The following NEUROD4 variants were observed in gnomAD, a reference collection of about 807,000 sequenced individuals.
The protein encoded by NEUROD4 is neurogenic differentiation factor 4.
NEUROD4 carries 16 observed loss-of-function variants against 19.8 expected under a neutral mutation model. The ratio of observed to expected loss-of-function variants is 0.81; its 90% CI spans 0.55 to 1.23. The LOEUF is 1.23. Among genes scored for constraint, NEUROD4 ranks in the 50% most tolerant of loss-of-function variants. NEUROD4 has a pLI of 0.00. For missense variants in NEUROD4, 439 were observed against 398.6 expected, an observed-to-expected ratio of 1.10 and a Z score of -0.86; for synonymous variants, 153 against 147.9, an observed-to-expected ratio of 1.03 and a Z score of -0.25.
chr12:55,029,537 A>G lies in NEUROD4; in HGVS notation c.*2102A>G, dbSNP rs1333495756. On this transcript the variant is annotated 3_prime_UTR_variant, in exon 2 of 2. Transcript: ENST00000242994. ...CTCTTCCTTTCACGAAAATTCCTTT[A>G]GCCCCATAGATGTGCTTGCAAACCC... The G allele has an allele frequency of 6.0e-6, 1 of 167,030 alleles. No homozygotes were observed. The highest frequency in any genetic ancestry group is 1.9e-4 in the East Asian group (1 of 5,208). The allele number at this position is 167,030 out of a possible 1,614,324, so 10.3% of individuals were successfully genotyped here.
chr12:55,023,567 T>C (rs1344634893), intron 1 of NEUROD4, among the ~76,000 whole-genome samples: 2 of 152,166 alleles, frequency 1.3e-5, no homozygotes, highest in East Asian at 3.8e-4. Context: ...AACCCAGGAA[T>C]TAGAAGAATT....
Position 55,027,178 on chromosome 12 carries a change from C to A in NEUROD4, c.739C>A (p.Pro247Thr). 6.2e-7 allele frequency: 1 copy of A among 1,614,062 alleles called. No individual in the cohort carries two copies. The highest frequency in any genetic ancestry group is 1.7e-4 in the Middle Eastern group (1 of 6,060). ...FGSHLPDCST[P>T]PYEGPLTPPL... ...GAGCCATCTGCCTGACTGCAGTACA[C>A]CCCCTTATGAGGGCCCACTCACTCC... is the stretch of plus-strand genomic sequence containing the variant. Residue 247 changes from proline (P) to threonine (T), a missense_variant, in exon 2 of 2, where the codon CCC becomes ACC. Pro to Thr is a conservative substitution (Grantham distance 38). Transcript: ENST00000242994.
At position 55,027,469 on chromosome 12, in the gene NEUROD4, G is replaced by A. The variant is rs759298063; in HGVS notation, c.*34G>A. The A allele has an allele frequency of 6.5e-7, 1 of 1,543,640 alleles. No homozygotes were observed. The highest frequency in any genetic ancestry group is 2.3e-5 in the East Asian group (1 of 44,306). ...AGTTCAATGTTTCAGAGAATGACGTGGAGACATTTTCCATAATTCAAGTGG... is the reference window on the plus strand; with the variant it reads ...AGTTCAATGTTTCAGAGAATGACGTAGAGACATTTTCCATAATTCAAGTGG... On this transcript the variant is annotated 3_prime_UTR_variant, in exon 2 of 2. Coordinates refer to ENST00000242994, the MANE Select transcript of NEUROD4 (RefSeq NM_021191.3).
chr12:55,020,507 T>C (rs992816169), intron 1 of NEUROD4, among the ~76,000 whole-genome samples, 194 bp downstream of exon 1: 3 of 152,214 alleles, frequency 2.0e-5, no homozygotes, highest in African/African-American at 7.2e-5. Flanking sequence ...ATAATTTTAT[T>C]AAATTTTATA....
Position 55,022,977 on chromosome 12 carries a change from CTT to C in NEUROD4, c.-10+2665_-10+2666del, listed in dbSNP as rs144264880. Among the ~76,000 whole-genome samples the C allele has an allele frequency of 7.9e-3, 1,199 of 152,240 alleles. 8 individuals carry two copies. The highest frequency in any genetic ancestry group is 0.014 in the Non-Finnish European group (949 of 67,958). ...ATGTTTAGGAGAACAATACCTAAAA[CTT>C]AACATGAAATTCATGTTGTATGACA... On this transcript the variant is annotated intron_variant, in intron 1 of 1. Transcript: ENST00000242994.
chr12:55,028,038 T>C lies in NEUROD4; in HGVS notation c.*603T>C, dbSNP rs1323400707. On this transcript the variant is annotated 3_prime_UTR_variant, in exon 2 of 2. Transcript: ENST00000242994. Reference sequence around the variant, plus strand: ...GATTTAATGATAGGACCTCTTTGTATCTATTGAAAAATAGCTTCTGGAAGC... The same window carrying C: ...GATTTAATGATAGGACCTCTTTGTACCTATTGAAAAATAGCTTCTGGAAGC... The C allele has an allele frequency of 1.2e-5, 2 of 167,098 alleles. No homozygotes were observed. The highest frequency in any genetic ancestry group is 2.9e-5 in the Non-Finnish European group (2 of 68,134). The allele number at this position is 167,098 out of a possible 1,614,324, so 10.4% of individuals were successfully genotyped here. A position where few individuals can be genotyped will look rare whatever the true frequency, so the allele number is the denominator to read the frequency against.
rs1243097689 is a variant in NEUROD4, at chr12:55,028,414, A to C, written c.*979A>C. 6.0e-6 allele frequency: 1 copy of C among 167,094 alleles called. No individual in the cohort carries two copies. The highest frequency in any genetic ancestry group is 1.5e-5 in the Non-Finnish European group (1 of 68,114). 10.4% of individuals were successfully genotyped at this position (167,094 alleles called of 1,614,324 possible). On this transcript the variant is annotated 3_prime_UTR_variant, in exon 2 of 2. Coordinates refer to ENST00000242994, the MANE Select transcript of NEUROD4 (RefSeq NM_021191.3). The stretch of plus-strand genomic sequence containing the variant: ...AGCACACAACACAGGTTTATATTAA[A>C]GAGCAATAAAATAGCTATTGGCTAT...
chr12:55,027,047 A>C lies in NEUROD4; in HGVS notation c.608A>C (p.Asn203Thr). Residue 203 changes from asparagine to threonine, a missense_variant, in exon 2 of 2, where the codon AAC becomes ACC. Coordinates refer to ENST00000242994, the MANE Select transcript of NEUROD4 (RefSeq NM_021191.3). ...CDSAISVHNF[N>T]YQSPGLPSPP... ...TCTGCCATCTCTGTCCACAACTTCA[A>C]CTATCAGTCTCCGGGGCTTCCTAGC... 1 of 1,614,120 alleles carries C rather than the reference A, an allele frequency of 6.2e-7. No homozygotes were observed. Among genetic ancestry groups the C allele is most frequent in the Non-Finnish European group, 8.5e-7 (1 of 1,180,016 alleles).
chr12:55,026,645 G>C lies in NEUROD4; in HGVS notation c.206G>C (p.Arg69Thr). 6.2e-7 allele frequency: 1 copy of C among 1,613,966 alleles called. No individual in the cohort carries two copies. Among genetic ancestry groups the C allele is most frequent in the Non-Finnish European group, 8.5e-7 (1 of 1,179,906 alleles). ...EEEEDGEKPKRRGPKKKKMTK... is the reference protein window; with the variant it reads ...EEEEDGEKPKTRGPKKKKMTK... Reference sequence around the variant, plus strand: ...GAAGAAGATGGGGAGAAACCTAAGAGAAGGGGTCCCAAGAAAAAGAAGATG... The same window carrying C: ...GAAGAAGATGGGGAGAAACCTAAGACAAGGGGTCCCAAGAAAAAGAAGATG... The change falls in exon 2 of 2, where the codon AGA becomes ACA. Residue 69 changes from arginine (R) to threonine (T), a missense_variant. Arg to Thr is a moderately conservative substitution (Grantham distance 71). Transcript: ENST00000242994.
rs1351410454 is a variant in NEUROD4, at chr12:55,027,098, A to T, written c.659A>T (p.His220Leu). Residue 220 changes from histidine to leucine, a missense_variant, in exon 2 of 2, where the codon CAT becomes CTT. His to Leu is a moderately conservative substitution (Grantham distance 99). Transcript: ENST00000242994. ...CCTCCTTATGGTCATATGGAAACAC[A>T]TCTCCTTCATCTCAAGCCCCAAGTA... is the stretch of plus-strand genomic sequence containing the variant. ...PSPPYGHMET[H>L]LLHLKPQVFK... is the part of the protein sequence containing the mutation. 6.2e-7 allele frequency: 1 copy of T among 1,614,012 alleles called. No individual in the cohort carries two copies. The highest frequency in any genetic ancestry group is 1.3e-5 in the African/African-American group (1 of 74,914).
chr12:55,025,523 C>T (rs1292501061), intron 1 of NEUROD4, among the ~76,000 whole-genome samples: 1 of 152,202 alleles, frequency 6.6e-6, no homozygotes, highest in Admixed American at 6.5e-5. Context: ...GCAAAGAGAT[C>T]TCACTTTAAC....
In NEUROD4 at chr12:55,026,597, G is replaced by A; in HGVS notation, c.158G>A (p.Ser53Asn). 1 of 1,613,914 alleles carries A rather than the reference G, an allele frequency of 6.2e-7. No individual in the cohort carries two copies. Among genetic ancestry groups the A allele is most frequent in the Non-Finnish European group, 8.5e-7 (1 of 1,179,882 alleles). Residue 53 changes from serine to asparagine, a missense_variant, in exon 2 of 2, where the codon AGT becomes AAT. Coordinates refer to ENST00000242994, the MANE Select transcript of NEUROD4 (RefSeq NM_021191.3). ...AGCAGCTTAACTGAAGAGCATGACAGTATTGAGGAAGAAGAAGAAGAGGAA... is the reference window on the plus strand; with the variant it reads ...AGCAGCTTAACTGAAGAGCATGACAATATTGAGGAAGAAGAAGAAGAGGAA... Reference protein sequence around the residue: ...MLSSLTEEHDSIEEEEEEEED... With the variant: ...MLSSLTEEHDNIEEEEEEEED...
intron 1 of NEUROD4, among the ~76,000 whole-genome samples, chr12:55,025,275 A>T (rs12309119): frequency 0.062 from 9,396 of 152,292 alleles, 736 homozygotes; most frequent in African/African-American, 0.18. Context: ...ACAGTGTGTT[A>T]GTGAATTAAA....
chr12:55,025,648 T>G (rs1952720359), intron 1 of NEUROD4, among the ~76,000 whole-genome samples: 1 of 152,214 alleles, frequency 6.6e-6, no homozygotes. Context: ...GAACACAAAG[T>G]GCTTACTGAA....
rs1365935590 is a variant in NEUROD4, at chr12:55,027,244, G to A, written c.805G>A (p.Gly269Arg). The change falls in exon 2 of 2, where the codon GGG becomes AGG. Residue 269 changes from glycine to arginine, a missense_variant. By Grantham distance (125) the Gly-to-Arg change is moderately radical. Coordinates refer to ENST00000242994, the MANE Select transcript of NEUROD4 (RefSeq NM_021191.3). ...ISGNFSLKQD[G>R]SPDLEKSYSF... ...TGGGAACTTCTCCTTGAAGCAAGAT[G>A]GGTCTCCTGACCTAGAAAAATCCTA... 4 of 1,614,036 alleles carry A rather than the reference G, an allele frequency of 2.5e-6. No individual in the cohort carries two copies. Among genetic ancestry groups the A allele is most frequent in the Non-Finnish European group, 2.5e-6 (3 of 1,180,000 alleles).
At chr12:55,020,477 G>A (rs1014739950) in intron 1 of NEUROD4, among the ~76,000 whole-genome samples, 164 bp downstream of exon 1, 1 of 152,148 alleles carries the variant, frequency 6.6e-6, no homozygotes, top group Admixed American at 6.5e-5. Context: ...AACACTTAGG[G>A]ACAAATATAA....
intron 1 of NEUROD4, among the ~76,000 whole-genome samples, chr12:55,024,408 G>A (rs1382824483): frequency 6.6e-6 from 1 of 152,108 alleles, no homozygotes; most frequent in Admixed American, 6.6e-5. Flanking sequence ...TATAAAATGA[G>A]CATAAAAATT....
At chr12:55,024,700 G>A (rs143455087) in intron 1 of NEUROD4, among the ~76,000 whole-genome samples, 85 of 152,174 alleles carry the variant, frequency 5.6e-4, no homozygotes, top group African/African-American at 1.9e-3. Context: ...ATTAAAAGTG[G>A]GATTTTCTGA....
rs766211751 is a variant in NEUROD4 at position 55,027,371 on chromosome 12, T to C, written c.932T>C (p.Met311Thr). 3 of 1,613,788 alleles carry C rather than the reference T, an allele frequency of 1.9e-6. No homozygotes were observed. The highest frequency in any genetic ancestry group is 1.6e-4 in the Middle Eastern group (1 of 6,082). Residue 311 changes from methionine (M) to threonine (T), a missense_variant, in exon 2 of 2, where the codon ATG (methionine) becomes ACG (threonine). Transcript: ENST00000242994. ...GTPRYDVPID[M>T]SYDSYPHHGI... is the part of the protein sequence containing the mutation. Reference sequence around the variant, plus strand: ...CCCCGTTATGATGTTCCTATAGACATGTCCTATGATTCCTACCCCCATCAT... The same window carrying C: ...CCCCGTTATGATGTTCCTATAGACACGTCCTATGATTCCTACCCCCATCAT...
Sources: allele counts gnomAD v4.1 joint callset (sites outside exome capture counted in the v4.1 genomes callset), GRCh38; gene constraint gnomAD v4.1.1; transcripts MANE v1.5; gene names NCBI Gene and HGNC (gene_info 2026-07-23, HGNC 2026-07-21).